The following IQGAP2 variants were observed in gnomAD, a reference collection of about 807,000 sequenced individuals.
The protein encoded by IQGAP2 is ras GTPase-activating-like protein IQGAP2.
A neutral mutation model predicts 201.3 loss-of-function variants in IQGAP2; 173 were observed. That is an observed-to-expected ratio of 0.86 (90% confidence interval 0.76 to 0.98). IQGAP2 has a LOEUF of 0.98. Ranked by LOEUF, IQGAP2 falls within the 50% of genes least tolerant of loss-of-function variation. The pLI is 0.00. For synonymous variants in IQGAP2, 675 were observed against 673.9 expected, an observed-to-expected ratio of 1.00 and a Z score of -0.03; for missense variants, 1,687 against 1,864.8, an observed-to-expected ratio of 0.90 and a Z score of 1.76.
chr5:76,609,334 A>G, intron 12 of IQGAP2: 1 of 1,053,304 alleles, frequency 9.5e-7, no homozygotes, highest in Non-Finnish European at 1.4e-6. Flanking sequence ...AGTACCTTGT[A>G]TATAGATAAT....
chr5:76,693,791 T>C (rs1174276261), intron 31 of IQGAP2: 1 of 170,112 alleles, frequency 5.9e-6, no homozygotes, highest in Non-Finnish European at 1.3e-5. Flanking sequence ...CCTTTCACAT[T>C]TTATGTATTT....
intron 32 of IQGAP2, 36 bp downstream of exon 32, chr5:76,695,702 G>A: frequency 2.6e-6 from 4 of 1,545,632 alleles, no homozygotes; most frequent in Non-Finnish European, 3.6e-6. Flanking sequence ...CCTTCACTTA[G>A]CAGACATTTG....
chr5:76,420,999 C>T (rs534903192), intron 1 of IQGAP2, among the ~76,000 whole-genome samples: 76 of 152,258 alleles, frequency 5.0e-4, no homozygotes, highest in African/African-American at 1.8e-3. Context: ...TTATTTCCAC[C>T]TTTTGGCTAT....
intron 2 of IQGAP2, among the ~76,000 whole-genome samples, chr5:76,495,092 A>G (rs1329553497): frequency 6.6e-6 from 1 of 152,232 alleles, no homozygotes; most frequent in East Asian, 1.9e-4. Context: ...TAAAAACCCT[A>G]TTTAAATGTA....
At chr5:76,527,649 G>A (rs927876397) in intron 2 of IQGAP2, among the ~76,000 whole-genome samples, 3 of 152,188 alleles carry the variant, frequency 2.0e-5, no homozygotes, top group Non-Finnish European at 4.4e-5. Flanking sequence ...AAGGTATCAG[G>A]ACTTTACAAG....
At chr5:76,581,030 T>A (rs758281435) in intron 5 of IQGAP2, among the ~76,000 whole-genome samples, 1 of 152,248 alleles carries the variant, frequency 6.6e-6, no homozygotes, top group Non-Finnish European at 1.5e-5. Flanking sequence ...CTGCTGATAC[T>A]GTAGCTGTGT....
At chr5:76,486,168 A>C (rs947936338) in intron 2 of IQGAP2, among the ~76,000 whole-genome samples, 2 of 152,244 alleles carry the variant, frequency 1.3e-5, no homozygotes, top group Non-Finnish European at 2.9e-5. Context: ...CTTTGGTATA[A>C]AGGTGTTCAG....
At chr5:76,651,915 A>G (rs1014864759) in intron 17 of IQGAP2, among the ~76,000 whole-genome samples, 3 of 152,178 alleles carry the variant, frequency 2.0e-5, no homozygotes, top group African/African-American at 7.2e-5. Flanking sequence ...TGAGGTAAAT[A>G]TATACAGACA....
chr5:76,557,093 G>C (rs770810674), intron 2 of IQGAP2, among the ~76,000 whole-genome samples: 2 of 152,126 alleles, frequency 1.3e-5, no homozygotes, highest in Non-Finnish European at 2.9e-5. Flanking sequence ...GAACTCTACC[G>C]CTACTCTGGA....
At chr5:76,526,008 G>A (rs1294033551) in intron 2 of IQGAP2, among the ~76,000 whole-genome samples, 1 of 152,212 alleles carries the variant, frequency 6.6e-6, no homozygotes, top group East Asian at 1.9e-4. Flanking sequence ...CTAATGCAAA[G>A]TAAAATGTAA....
At chr5:76,413,156 C>CTTTTTTTTTTTTTT (rs567410789) in intron 1 of IQGAP2, among the ~76,000 whole-genome samples, 8 of 83,720 alleles carry the variant, frequency 9.6e-5, no homozygotes, top group African/African-American at 1.6e-4. Context: ...TTTCTTTTCT[C>CTTTTTTTTTTTTTT]TTTTTTTTTT....
chr5:76,693,534 G>T, intron 31 of IQGAP2, 92 bp downstream of exon 31: 1 of 840,694 alleles, frequency 1.2e-6, no homozygotes, highest in Non-Finnish European at 1.9e-6. Context: ...CAGAGAAACT[G>T]TATCTGACAT....
At chr5:76,680,763 C>T (rs180726354) in intron 28 of IQGAP2, among the ~76,000 whole-genome samples, 57 of 147,296 alleles carry the variant, frequency 3.9e-4, no homozygotes, top group Admixed American at 2.4e-3. Context: ...TGTACCCTAA[C>T]CTGGGTGACA....
At chr5:76,544,473 A>G (rs1742973020) in intron 2 of IQGAP2, among the ~76,000 whole-genome samples, 1 of 151,762 alleles carries the variant, frequency 6.6e-6, no homozygotes, top group African/African-American at 2.4e-5. Context: ...AAAATCAAGG[A>G]CATATAGCCA....
At chr5:76,421,618 T>TA (rs148714377) in intron 1 of IQGAP2, among the ~76,000 whole-genome samples, 7,682 of 151,806 alleles carry the variant, frequency 0.051, 414 homozygotes, top group African/African-American at 0.14. Flanking sequence ...CCCTGTCTCA[T>TA]AAAAAAAATA....
chr5:76,664,934 T>A (rs1743611184), intron 21 of IQGAP2, 92 bp from the exon 22 acceptor site: 1 of 736,670 alleles, frequency 1.4e-6, no homozygotes, highest in South Asian at 1.8e-5. Context: ...ATGCCTGTAT[T>A]TCCAATTACG....
intron 2 of IQGAP2, among the ~76,000 whole-genome samples, chr5:76,475,607 A>T (rs1755370137): frequency 6.6e-6 from 1 of 152,046 alleles, no homozygotes; most frequent in Non-Finnish European, 1.5e-5. Flanking sequence ...CCTGAACAGA[A>T]CCTTTCACAG....
At chr5:76,632,094 CTTAATT>C in intron 15 of IQGAP2, 68 bp downstream of exon 15, 1 of 1,327,478 alleles carries the variant, frequency 7.5e-7, no homozygotes, top group Non-Finnish European at 1.0e-6. Flanking sequence ...ATTATATTTT[CTTAATT>C]TTAAGACAAG....
intron 2 of IQGAP2, among the ~76,000 whole-genome samples, chr5:76,557,777 G>C (rs1182732944): frequency 6.6e-6 from 1 of 152,146 alleles, no homozygotes; most frequent in Non-Finnish European, 1.5e-5. Context: ...GCTAACCTAA[G>C]TTTTTGCTAT....
Sources: allele counts gnomAD v4.1 joint callset (sites outside exome capture counted in the v4.1 genomes callset), GRCh38; gene constraint gnomAD v4.1.1; transcripts MANE v1.5; gene names NCBI Gene and HGNC (gene_info 2026-07-23, HGNC 2026-07-21).